Variants in CLIC5 observed in about 807,000 individuals in gnomAD.
CLIC5 encodes the protein chloride intracellular channel protein 5.
A neutral mutation model predicts 24.7 loss-of-function variants in CLIC5; 20 were observed. That is an observed-to-expected ratio of 0.81 (90% confidence interval 0.57 to 1.18). The LOEUF (loss-of-function observed/expected upper bound fraction) is 1.18. CLIC5 is among the 50% of genes most tolerant of loss of function. CLIC5 has a pLI of 0.00. For synonymous variants in CLIC5, 159 were observed against 135.6 expected (o/e 1.17, Z -1.20); for missense variants, 341 against 326.1 (o/e 1.05, Z -0.35).
At chr6:46,007,569 G>C (rs759854576) in intron 1 of CLIC5, among the ~76,000 whole-genome samples, 1 of 152,144 alleles carries the variant, frequency 6.6e-6, no homozygotes, top group Non-Finnish European at 1.5e-5. Context: ...ACTGACTTCT[G>C]CCTCAGGGCT....
At chr6:46,011,812 C>A (rs1278476512) in intron 1 of CLIC5, among the ~76,000 whole-genome samples, 1 of 152,178 alleles carries the variant, frequency 6.6e-6, no homozygotes, top group Non-Finnish European at 1.5e-5. Flanking sequence ...TTACCTCTAG[C>A]CTGTTGTCCT....
the CLIC5 span, among the ~76,000 whole-genome samples, chr6:46,089,692 C>T: frequency 6.6e-6 from 1 of 152,144 alleles, no homozygotes; most frequent in African/African-American, 2.4e-5. Flanking sequence ...TGTTTCCTCC[C>T]CTTCTCCCAC....
At chr6:45,898,449 AC>A (rs1762430249), downstream of CLIC5, 1 of 152,644 alleles carries the variant, frequency 6.6e-6, no homozygotes, top group African/African-American at 2.4e-5. Context: ...TTAGATGACC[AC>A]TTTTGTAATA....
intron 4 of CLIC5, among the ~76,000 whole-genome samples, chr6:45,933,498 G>A (rs888560578): frequency 6.6e-6 from 1 of 152,244 alleles, no homozygotes; most frequent in Non-Finnish European, 1.5e-5. Context: ...AATGCAATCT[G>A]AGCACATGCC....
chr6:45,938,187 C>T (rs1764005785), intron 4 of CLIC5, among the ~76,000 whole-genome samples: 1 of 152,222 alleles, frequency 6.6e-6, no homozygotes, highest in African/African-American at 2.4e-5. Flanking sequence ...AATGCTGATG[C>T]TCTTGGGGAG....
downstream of CLIC5, among the ~76,000 whole-genome samples, chr6:45,896,118 G>C (rs1292078831): frequency 6.6e-6 from 1 of 152,174 alleles, no homozygotes; most frequent in African/African-American, 2.4e-5. Context: ...GTAGATTTCA[G>C]TGAATCTAAG....
intron 1 of CLIC5, among the ~76,000 whole-genome samples, chr6:46,001,315 G>A (rs1451440209): frequency 2.0e-5 from 3 of 152,148 alleles, no homozygotes; most frequent in Admixed American, 6.5e-5. Flanking sequence ...CCTAGCAACA[G>A]GTCTACGGGG....
intron 1 of CLIC5, 123 bp from the exon 2 acceptor site, chr6:45,955,367 A>T: frequency 1.5e-6 from 1 of 657,876 alleles, no homozygotes; most frequent in Non-Finnish European, 2.6e-6. Context: ...GCAACTTCAA[A>T]GGGCGGTAGC....
Position 45,969,583 on chromosome 6 carries a change from C to G in CLIC5, c.64-14339G>C, listed in dbSNP as rs9395140. On this transcript the variant is annotated intron_variant, in intron 1 of 5. Coordinates refer to ENST00000339561, the MANE Select transcript of CLIC5 (RefSeq NM_016929.5). ...GCTATTGAATGGAGATGGCTGAAATCTCAGTCAAAATCGTGAACGTATGTA... is the reference window on the plus strand; with the variant it reads ...GCTATTGAATGGAGATGGCTGAAATGTCAGTCAAAATCGTGAACGTATGTA... Among the ~76,000 whole-genome samples the G allele has an allele frequency of 2.0e-3, 298 of 151,980 alleles. 1 individual carries two copies. Among genetic ancestry groups the G allele is most frequent in the African/African-American group, 6.9e-3 (287 of 41,436 alleles).
At chr6:45,966,544 C>T (rs1422884573) in intron 1 of CLIC5, among the ~76,000 whole-genome samples, 2 of 152,332 alleles carry the variant, frequency 1.3e-5, no homozygotes, top group African/African-American at 2.4e-5. Context: ...AATGAGCTCC[C>T]TGACCTCACT....
intron 6 of CLIC5, among the ~76,000 whole-genome samples, chr6:45,885,987 G>A (rs1404868788): frequency 2.0e-5 from 3 of 152,170 alleles, no homozygotes; most frequent in Non-Finnish European, 4.4e-5. Flanking sequence ...GATGAAAGCA[G>A]AAAGTAACTG....
intron 4 of CLIC5, among the ~76,000 whole-genome samples, chr6:45,940,711 C>T (rs1469441944): frequency 6.6e-6 from 1 of 152,182 alleles, no homozygotes; most frequent in Non-Finnish European, 1.5e-5. Context: ...ATTCTGAGGG[C>T]AAGGGAATGG....
At chr6:45,912,718 T>A (rs1322271015) in intron 5 of CLIC5, 1 of 1,535,074 alleles carries the variant, frequency 6.5e-7, no homozygotes, top group African/African-American at 1.4e-5. Context: ...AATTATATCA[T>A]CCCTTTCAGT....
chr6:45,903,640 A>T (rs114800829), intron 5 of CLIC5, among the ~76,000 whole-genome samples: 25 of 152,350 alleles, frequency 1.6e-4, no homozygotes, highest in African/African-American at 6.0e-4. Context: ...ATAAAATGTC[A>T]TAGTGGAGGG....
intron 1 of CLIC5, among the ~76,000 whole-genome samples, chr6:45,962,167 ATAT>A (rs914214466): frequency 3.3e-5 from 5 of 149,816 alleles, no homozygotes; most frequent in Non-Finnish European, 7.4e-5. Flanking sequence ...TAATAACATA[ATAT>A]TATATATATG....
At chr6:46,082,340 T>C (rs183620182), upstream of CLIC5, among the ~76,000 whole-genome samples, 7 of 152,352 alleles carry the variant, frequency 4.6e-5, 1 homozygote, top group East Asian at 9.6e-4. Flanking sequence ...AGAACACATC[T>C]ATCATGATCT....
intron 1 of CLIC5, among the ~76,000 whole-genome samples, chr6:46,011,431 G>A (rs992553025): frequency 3.3e-5 from 5 of 152,228 alleles, no homozygotes; most frequent in African/African-American, 1.2e-4. Flanking sequence ...AGCCACCTGA[G>A]AGTGGATATG....
At chr6:46,015,895 G>A, upstream of CLIC5, 1 of 1,024,302 alleles carries the variant, frequency 9.8e-7, no homozygotes, top group Non-Finnish European at 1.2e-6. Flanking sequence ...AAAATAGCCG[G>A]CGGCTGCAGG....
At chr6:46,047,202 G>C (rs72858609) in intron 1 of CLIC5, among the ~76,000 whole-genome samples, 6,508 of 152,258 alleles carry the variant, frequency 0.043, 196 homozygotes, top group Non-Finnish European at 0.066. Context: ...CACTAAGTGG[G>C]AAGTTAAATT....
Sources: allele counts gnomAD v4.1 joint callset (sites outside exome capture counted in the v4.1 genomes callset), GRCh38; gene constraint gnomAD v4.1.1; transcripts MANE v1.5; gene names NCBI Gene and HGNC (gene_info 2026-07-23, HGNC 2026-07-21).